Variants in PSG5 observed in about 807,000 individuals in gnomAD.
The protein encoded by PSG5 is pregnancy specific beta-1-glycoprotein 5.
A neutral mutation model predicts 37.7 loss-of-function variants in PSG5; 53 were observed. The ratio of observed to expected loss-of-function variants is 1.41; its 90% CI spans 1.13 to 1.77. PSG5 has a LOEUF of 1.77. PSG5 is among the 40% of genes most tolerant of loss of function. The pLI is 0.00. For synonymous variants in PSG5, 221 were observed against 155.4 expected (o/e 1.42, Z -3.14); for missense variants, 547 against 405.2 (o/e 1.35, Z -3.00).
chr19:43,169,777 A>C (rs190580825), intron 5 of PSG5, among the ~76,000 whole-genome samples: 1 of 151,666 alleles, frequency 6.6e-6, no homozygotes, highest in Admixed American at 6.6e-5. Flanking sequence ...GATGTTAAAA[A>C]TAATGAAGAG....
At chr19:43,179,131 T>C in intron 2 of PSG5, 3 of 1,599,846 alleles carry the variant, frequency 1.9e-6, no homozygotes, top group Non-Finnish European at 2.6e-6. Flanking sequence ...AAGTTGCTAC[T>C]GGAGATGGAG....
At chr19:43,185,571 C>T (rs1966918647) in intron 1 of PSG5, among the ~76,000 whole-genome samples, 1 of 151,242 alleles carries the variant, frequency 6.6e-6, no homozygotes. Context: ...CTTGTCAACA[C>T]CTGACCTCAC....
intron 2 of PSG5, among the ~76,000 whole-genome samples, chr19:43,178,491 G>T (rs1186646210): frequency 6.6e-6 from 1 of 151,630 alleles, no homozygotes; most frequent in African/African-American, 2.4e-5. Context: ...GGAGCAAAGA[G>T]AATAAAGTCA....
rs1969002307 is a variant in PSG5, at chr19:43,176,007, G to T, written c.572C>A (p.Pro191His). ...WLNGQSLPVS[P>H]RVKRPIENRI... Reference sequence around the variant, plus strand: ...GTTTTCAATGGGTCGCTTTACCCTGGGACTGACCGGGAGGCTCTGACCATT... The same window carrying T: ...GTTTTCAATGGGTCGCTTTACCCTGTGACTGACCGGGAGGCTCTGACCATT... Residue 191 changes from proline (P) to histidine (H), a missense_variant, in exon 3 of 6, where the codon CCC becomes CAC. Physicochemically the swap from Pro to His is moderately conservative, Grantham distance 77. Transcript: ENST00000342951. 1 of 1,611,198 alleles carries T rather than the reference G, an allele frequency of 6.2e-7. No homozygotes were observed.
intron 2 of PSG5, among the ~76,000 whole-genome samples, chr19:43,183,821 C>G (rs1425010787): frequency 5.9e-5 from 9 of 151,462 alleles, no homozygotes. Flanking sequence ...CTGATCTCCC[C>G]CTTTGGGTTT....
At chr19:43,173,221 C>A (rs1184372775) in intron 4 of PSG5, among the ~76,000 whole-genome samples, 1 of 151,568 alleles carries the variant, frequency 6.6e-6, no homozygotes, top group African/African-American at 2.4e-5. Context: ...AATTAACCCA[C>A]AATAGATCAA....
At chr19:43,175,700 G>A in intron 3 of PSG5, 170 bp downstream of exon 3, 2 of 1,431,126 alleles carry the variant, frequency 1.4e-6, no homozygotes, top group East Asian at 2.3e-5. Flanking sequence ...TATATTCCTG[G>A]TTAAGGCTGT....
intron 4 of PSG5, among the ~76,000 whole-genome samples, chr19:43,172,303 T>A (rs1164391536): frequency 6.6e-6 from 1 of 151,602 alleles, no homozygotes; most frequent in Non-Finnish European, 1.5e-5. Context: ...GGAGAAAGAC[T>A]GAAAGCTTTC....
chr19:43,176,508 C>A (rs1329481253), intron 2 of PSG5, among the ~76,000 whole-genome samples: 1 of 151,522 alleles, frequency 6.6e-6, no homozygotes, highest in Non-Finnish European at 1.5e-5. Context: ...AACTGCTGGG[C>A]CCCTTCCAAA....
intron 2 of PSG5, chr19:43,183,254 G>A: frequency 5.9e-6 from 2 of 341,724 alleles, no homozygotes; most frequent in Non-Finnish European, 1.2e-5. Context: ...GCATGAGGTG[G>A]GGTGGCTTTA....
In PSG5 at chr19:43,175,196, G is replaced by A; in HGVS notation, c.964+19C>T. The A allele has an allele frequency of 3.1e-6, 5 of 1,612,448 alleles. No individual in the cohort carries two copies. Among genetic ancestry groups the A allele is most frequent in the Non-Finnish European group, 4.2e-6 (5 of 1,179,122 alleles). Reference sequence around the variant, plus strand: ...CTCCACCTAAAACCCTATTGCCAAGGATGCTGGGATCCACTTACCAGAGAC... The same window carrying A: ...CTCCACCTAAAACCCTATTGCCAAGAATGCTGGGATCCACTTACCAGAGAC... On this transcript the variant is annotated intron_variant, in intron 4 of 5. Transcript: ENST00000342951.
In PSG5 at chr19:43,175,460, T is replaced by A. The variant is rs140573074; in HGVS notation, c.719A>T (p.Asp240Val). The change falls in exon 4 of 6, where the codon GAC (aspartate) becomes GTC (valine). Residue 240 changes from aspartate (D) to valine (V), a missense_variant. Asp to Val is a radical substitution (Grantham distance 152, BLOSUM62 -3). Transcript: ENST00000342951. ...PVTLNVLYGP[D>V]LPSIYPSFTY... ...GAATGAAGGGTAAATGCTGGGGAGG[T>A]CTGGACCATCTGGAGCAAAGAGAAT... 17 of 1,605,996 alleles carry A rather than the reference T, an allele frequency of 1.1e-5. No homozygotes were observed. The African/African-American group carries it at 1.8e-4, about 17-fold the overall frequency.
rs1482836315 is a variant in PSG5 at position 43,185,144 on chromosome 19, G to T, written c.68C>A (p.Ser23Ter). 1 of 1,599,670 alleles carries T rather than the reference G, an allele frequency of 6.3e-7. No individual in the cohort carries two copies. Among genetic ancestry groups the T allele is most frequent in the East Asian group, 2.2e-5 (1 of 44,846 alleles). Residue 23 changes from serine (S) to a stop codon, truncating the protein, a stop_gained, in exon 2 of 6, where the codon TCA becomes TAA. Transcript: ENST00000342951. LOFTEE classifies it high-confidence loss of function. ...AGGCAGGTTCCAGAAGTTTAAAAGT[G>T]ATGCTAGGAGGTGGAGAAAGCACCA... ...ITWKGLLLTASLLNFWNLPIT... is the reference protein window; with the variant it reads ...ITWKGLLLTA
At chr19:43,174,181 A>C (rs1259949641) in intron 4 of PSG5, 1 of 152,000 alleles carries the variant, frequency 6.6e-6, no homozygotes, top group African/African-American at 2.4e-5. Context: ...TAGAGACAGA[A>C]TGTAGAATGG....
At chr19:43,181,320 C>A (rs1048895618) in intron 2 of PSG5, among the ~76,000 whole-genome samples, 1 of 151,670 alleles carries the variant, frequency 6.6e-6, no homozygotes, top group Non-Finnish European at 1.5e-5. Context: ...ATGTGTTGTT[C>A]CACTTTTTTT....
chr19:43,176,236 C>A (rs1985622), intron 2 of PSG5, 88 bp from the exon 3 acceptor site: 92,902 of 1,562,740 alleles, frequency 0.059, 4,638 homozygotes, highest in Middle Eastern at 0.078. Flanking sequence ...CATCTCCCAC[C>A]TGTCAACCCA....
At chr19:43,185,316 T>G (rs1053775758) in intron 1 of PSG5, among the ~76,000 whole-genome samples, 169 bp from the exon 2 acceptor site, 1 of 151,254 alleles carries the variant, frequency 6.6e-6, no homozygotes, top group African/African-American at 2.4e-5. Flanking sequence ...TGTGTATGTG[T>G]GTGTGTCCTA....
chr19:43,179,284 G>C, intron 2 of PSG5: 2 of 1,296,030 alleles, frequency 1.5e-6, no homozygotes, highest in Non-Finnish European at 2.1e-6. Context: ...CATGGCAGGT[G>C]TGTGTGTTAC....
chr19:43,178,861 G>A, intron 2 of PSG5: 5 of 1,612,930 alleles, frequency 3.1e-6, no homozygotes, highest in Non-Finnish European at 3.4e-6. Context: ...GGCTCACAGA[G>A]GAACAGAGGA....
Sources: allele counts gnomAD v4.1 joint callset (sites outside exome capture counted in the v4.1 genomes callset), GRCh38; gene constraint gnomAD v4.1.1; transcripts MANE v1.5; gene names NCBI Gene and HGNC (gene_info 2026-07-23, HGNC 2026-07-21).